Variants in ROBO2 observed in about 807,000 individuals in gnomAD.
The protein encoded by ROBO2 is roundabout homolog 2.
In ROBO2, 53 loss-of-function variants were observed where a neutral mutation model predicts 160.8. That is an observed-to-expected ratio of 0.33 (90% CI 0.26 to 0.41). ROBO2 has a LOEUF of 0.41. ROBO2 is among the 10% of genes least tolerant of loss of function. ROBO2 has a pLI of 1.00. For missense variants in ROBO2, 1,577 were observed against 1,722.4 expected, an observed-to-expected ratio of 0.92 and a Z score of 1.49; for synonymous variants, 664 against 611.7, an observed-to-expected ratio of 1.09 and a Z score of -1.26.
Position 76,436,392 on chromosome 3 carries a change from A to T in ROBO2, c.109+498790A>T, listed in dbSNP as rs572199875. Among the ~76,000 whole-genome samples, 43 of 152,198 alleles carry T rather than the reference A, an allele frequency of 2.8e-4. 1 individual carries two copies. In the South Asian group the frequency reaches 8.5e-3, roughly 30 times the overall value. On this transcript the variant is annotated intron_variant, in intron 2 of 26. Transcript: ENST00000487694. ...TCTTCACTGCCTCCTTTTCCCTGTCATGCTCATCAGCTTATGGCTTCTGTC... is the reference window on the plus strand; with the variant it reads ...TCTTCACTGCCTCCTTTTCCCTGTCTTGCTCATCAGCTTATGGCTTCTGTC...
At chr3:75,994,603 A>G (rs2065671492) in intron 2 of ROBO2, among the ~76,000 whole-genome samples, 1 of 152,240 alleles carries the variant, frequency 6.6e-6, no homozygotes, top group African/African-American at 2.4e-5. Flanking sequence ...TGTATAGTTA[A>G]TGAAATATCT....
intron 2 of ROBO2, among the ~76,000 whole-genome samples, chr3:76,074,826 G>A (rs989748558): frequency 6.6e-6 from 1 of 151,930 alleles, no homozygotes. Flanking sequence ...ATGTAAAGAA[G>A]ACACAACATA....
At chr3:77,607,041 C>G (rs1206964367) in intron 20 of ROBO2, among the ~76,000 whole-genome samples, 2 of 152,148 alleles carry the variant, frequency 1.3e-5, no homozygotes, top group African/African-American at 2.4e-5. Flanking sequence ...TCATTAAGCT[C>G]CATGTAATCC....
At chr3:76,119,950 C>CTTCCTTCCTTCT (rs2070672292) in intron 2 of ROBO2, among the ~76,000 whole-genome samples, 1 of 139,820 alleles carries the variant, frequency 7.2e-6, no homozygotes, top group African/African-American at 2.7e-5. Context: ...TCCTTCCTTC[C>CTTCCTTCCTTCT]TTCCTTCCTT....
chr3:75,950,369 C>G (rs1200093285), intron 2 of ROBO2, among the ~76,000 whole-genome samples: 1 of 151,816 alleles, frequency 6.6e-6, no homozygotes, highest in East Asian at 1.9e-4. Context: ...TGTTAAGGAA[C>G]TGAAGGATTA....
chr3:76,997,136 GGTA>G (rs1658660237), intron 2 of ROBO2, among the ~76,000 whole-genome samples: 2 of 152,006 alleles, frequency 1.3e-5, no homozygotes, highest in African/African-American at 4.8e-5. Context: ...TTTTGTTTTA[GGTA>G]GTATTAAATA....
intron 2 of ROBO2, among the ~76,000 whole-genome samples, chr3:76,551,061 G>C (rs1290210353): frequency 6.6e-6 from 1 of 152,070 alleles, no homozygotes; most frequent in East Asian, 1.9e-4. Context: ...CCAGCTCCAG[G>C]TGGAGTTGGT....
chr3:76,927,855 G>T (rs555472386), intron 2 of ROBO2, among the ~76,000 whole-genome samples: 1 of 152,270 alleles, frequency 6.6e-6, no homozygotes, highest in East Asian at 1.9e-4. Flanking sequence ...GAGTGATGGT[G>T]AGAAAGATGA....
At chr3:76,696,285 A>C (rs920713230) in intron 2 of ROBO2, among the ~76,000 whole-genome samples, 1 of 152,150 alleles carries the variant, frequency 6.6e-6, no homozygotes, top group Non-Finnish European at 1.5e-5. Context: ...TTTAAATAGC[A>C]ATCAACAAAG....
rs1156877019 is a variant in ROBO2, at chr3:76,351,407, A to G, written c.109+413805A>G. Among the ~76,000 whole-genome samples the G allele has an allele frequency of 2.0e-5, 3 of 152,002 alleles. No homozygotes were observed. The East Asian group carries it at 5.8e-4, about 29-fold the overall frequency. ...AGACTTTTGGGGCAAACAGCTGTCAAACCTAACAGAACATCAGAATCACTA... is the reference window on the plus strand; with the variant it reads ...AGACTTTTGGGGCAAACAGCTGTCAGACCTAACAGAACATCAGAATCACTA... On this transcript the variant is annotated intron_variant, in intron 2 of 26. Coordinates refer to the ROBO2 transcript ENST00000487694.
intron 2 of ROBO2, among the ~76,000 whole-genome samples, chr3:77,426,035 T>C (rs977459285): frequency 6.6e-6 from 1 of 152,110 alleles, no homozygotes; most frequent in Non-Finnish European, 1.5e-5. Flanking sequence ...ACCCAGTTCA[T>C]ATTTTCTAAA....
At chr3:77,133,425 T>G (rs578002432) in intron 2 of ROBO2, among the ~76,000 whole-genome samples, 17 of 152,242 alleles carry the variant, frequency 1.1e-4, no homozygotes, top group African/African-American at 3.8e-4. Context: ...CTCAGGGAAA[T>G]CAAATAACAA....
chr3:77,003,903 A>C (rs901694279), intron 2 of ROBO2, among the ~76,000 whole-genome samples: 3 of 152,058 alleles, frequency 2.0e-5, no homozygotes, highest in African/African-American at 7.2e-5. Context: ...TGTGAGATGC[A>C]TGTTTTCTCT....
intron 2 of ROBO2, among the ~76,000 whole-genome samples, chr3:77,348,515 T>G (rs2067932578): frequency 6.6e-6 from 1 of 152,084 alleles, no homozygotes. Context: ...CGACCTCCTA[T>G]CTCATCCTGT....
In ROBO2 at chr3:76,179,559, G is replaced by A. The variant is rs181668899; in HGVS notation, c.109+241957G>A. ...ACTTCCTTCAATCATCACTGCCTCC[G>A]CTCTTATACATCACCATCTTCTGTT... On this transcript the variant is annotated intron_variant, in intron 2 of 26. Coordinates refer to the ROBO2 transcript ENST00000487694. Among the ~76,000 whole-genome samples, 215 of 152,122 alleles carry A rather than the reference G, an allele frequency of 1.4e-3. 2 individuals are homozygous for A. Among genetic ancestry groups the A allele is most frequent in the Non-Finnish European group, 1.8e-3 (124 of 67,992 alleles).
At chr3:76,770,429 GAGAA>G (rs2108492489) in intron 2 of ROBO2, among the ~76,000 whole-genome samples, 1 of 151,282 alleles carries the variant, frequency 6.6e-6, no homozygotes, top group East Asian at 2.0e-4. Flanking sequence ...ACAAATTTAT[GAGAA>G]AGAAACACCT....
chr3:76,416,931 T>C (rs2075781088), intron 2 of ROBO2, among the ~76,000 whole-genome samples: 1 of 152,202 alleles, frequency 6.6e-6, no homozygotes, highest in Admixed American at 6.5e-5. Flanking sequence ...ATCACCACAT[T>C]ATTGAAAGAA....
chr3:77,536,753 G>T (rs559716680), intron 6 of ROBO2, among the ~76,000 whole-genome samples: 50 of 152,198 alleles, frequency 3.3e-4, no homozygotes, highest in African/African-American at 1.1e-3. Flanking sequence ...TGCAACATCT[G>T]AATTCATTTT....
chr3:75,996,855 A>T (rs932139596), intron 2 of ROBO2, among the ~76,000 whole-genome samples: 69 of 151,860 alleles, frequency 4.5e-4, no homozygotes, highest in African/African-American at 1.6e-3. Flanking sequence ...TATGTAAATC[A>T]TCTATTCTGA....
Sources: gnomAD v4.1 joint callset for allele counts (sites outside exome capture counted in the v4.1 genomes callset) on GRCh38, gnomAD v4.1.1 for gene constraint, MANE v1.5 for transcripts, NCBI Gene and HGNC (gene_info 2026-07-23, HGNC 2026-07-21) for gene names.